The following YTHDF3 variants were observed in gnomAD, a reference collection of about 807,000 sequenced individuals.
The protein encoded by YTHDF3 is YTH N6-methyladenosine RNA binding protein F3, also known as YTH domain-containing family protein 3.
YTHDF3 carries 9 observed loss-of-function variants against 52.5 expected under a neutral mutation model. The ratio of observed to expected loss-of-function variants is 0.17; its 90% CI spans 0.10 to 0.30. The LOEUF is 0.30. Ranked by LOEUF, YTHDF3 falls within the 10% of genes least tolerant of loss-of-function variation. YTHDF3 has a pLI of 1.00. For missense variants in YTHDF3, 534 were observed against 715.0 expected, an observed-to-expected ratio of 0.75 and a Z score of 2.89; for synonymous variants, 274 against 243.3, an observed-to-expected ratio of 1.13 and a Z score of -1.18.
In YTHDF3 at chr8:63,186,984, C is replaced by T. The variant is rs1808555147; in HGVS notation, c.973C>T (p.Pro325Ser). 1 of 1,613,694 alleles carries T rather than the reference C, an allele frequency of 6.2e-7. No individual in the cohort carries two copies. Among genetic ancestry groups the T allele is most frequent in the East Asian group, 2.2e-5 (1 of 44,878 alleles). Reference protein sequence around the residue: ...QSQLPQQQPQPPQPQQQQGPQ... With the variant: ...QSQLPQQQPQSPQPQQQQGPQ... The stretch of plus-strand genomic sequence containing the variant: ...CCAACTGCCTCAACAGCAGCCTCAA[C>T]CACCACAACCACAGCAGCAACAAGG... The change falls in exon 4 of 5, where the codon CCA becomes TCA. Residue 325 changes from proline (P) to serine (S), a missense_variant. This residue lies in a region of YTHDF3 where 203 missense variants were observed against 201.3 expected (regional missense o/e 1.01). Transcript: ENST00000539294.
chr8:63,204,668 T>A lies in YTHDF3; in HGVS notation c.1735-5015T>A, dbSNP rs538365046. 2.6e-5 allele frequency among the ~76,000 whole-genome samples: 4 copies of A among 152,324 alleles called. No individual in the cohort carries two copies. The East Asian group carries it at 7.7e-4, about 29-fold the overall frequency. On this transcript the variant is annotated intron_variant, in intron 4 of 4. Coordinates refer to ENST00000539294, the MANE Select transcript of YTHDF3 (RefSeq NM_152758.6). ...TGAGCCACCGCGCACCTGGCTTGTTTGTTGCATTTCATAGCAAGTGTCTGA... is the reference window on the plus strand; with the variant it reads ...TGAGCCACCGCGCACCTGGCTTGTTAGTTGCATTTCATAGCAAGTGTCTGA...
intron 3 of YTHDF3, among the ~76,000 whole-genome samples, chr8:63,182,710 A>T (rs1808222990): frequency 6.6e-6 from 1 of 152,162 alleles, no homozygotes; most frequent in Non-Finnish European, 1.5e-5. Flanking sequence ...TCAAAATTAA[A>T]ACTTGGAAAC....
chr8:63,184,623 G>A (rs1808378763), intron 3 of YTHDF3, among the ~76,000 whole-genome samples: 1 of 152,158 alleles, frequency 6.6e-6, no homozygotes, highest in African/African-American at 2.4e-5. Flanking sequence ...GATCTATGAC[G>A]TTATGTCACA....
chr8:63,196,256 TAA>T (rs879565627), intron 4 of YTHDF3, among the ~76,000 whole-genome samples: 53 of 135,018 alleles, frequency 3.9e-4, no homozygotes, highest in African/African-American at 1.0e-3. Flanking sequence ...GTCTGTCTCT[TAA>T]AAAAAAAAAA....
At chr8:63,199,031 A>C (rs1286763582) in intron 4 of YTHDF3, among the ~76,000 whole-genome samples, 1 of 152,140 alleles carries the variant, frequency 6.6e-6, no homozygotes, top group African/African-American at 2.4e-5. Flanking sequence ...TGAATAGTCA[A>C]GATGATTGAG....
intron 3 of YTHDF3, among the ~76,000 whole-genome samples, chr8:63,176,382 C>G (rs544079154): frequency 6.9e-4 from 104 of 151,632 alleles, no homozygotes; most frequent in African/African-American, 2.4e-3. Context: ...CCCGGGTTCA[C>G]GCCATTCTCC....
At chr8:63,207,839 C>T (rs371176668) in intron 4 of YTHDF3, among the ~76,000 whole-genome samples, 1 of 152,092 alleles carries the variant, frequency 6.6e-6, no homozygotes, top group Admixed American at 6.5e-5. Context: ...GCCCTTACAT[C>T]TTTTTACTTA....
intron 2 of YTHDF3, 164 bp downstream of exon 2, chr8:63,169,575 G>C: frequency 2.8e-6 from 2 of 715,336 alleles, no homozygotes; most frequent in Non-Finnish European, 4.6e-6. Flanking sequence ...CCAGAACTTC[G>C]GTAGTTCGTT....
At chr8:63,176,188 GA>G (rs1807679183) in intron 3 of YTHDF3, among the ~76,000 whole-genome samples, 1 of 152,142 alleles carries the variant, frequency 6.6e-6, no homozygotes, top group Non-Finnish European at 1.5e-5. Context: ...AGTTTTTTTA[GA>G]GAGAACATTG....
Position 63,209,952 on chromosome 8 carries a change from C to G in YTHDF3, c.*246C>G. On this transcript the variant is annotated 3_prime_UTR_variant, in exon 5 of 5. Coordinates refer to ENST00000539294, the MANE Select transcript of YTHDF3 (RefSeq NM_152758.6). ...TCTGTCCTGAAGCTTTTACCAGTAT[C>G]TGCTGTCTTTTGTAATTATGCATCC... The G allele has an allele frequency of 2.4e-6, 1 of 415,758 alleles. No homozygotes were observed. Among genetic ancestry groups the G allele is most frequent in the Non-Finnish European group, 4.3e-6 (1 of 233,712 alleles). The allele number at this position is 415,758 out of a possible 1,614,324, so 25.8% of individuals were successfully genotyped here. A position where few individuals can be genotyped will look rare whatever the true frequency, so the allele number is the denominator to read the frequency against.
At chr8:63,187,889 G>A (rs1345138907) in intron 4 of YTHDF3, 144 bp downstream of exon 4, 37 of 931,420 alleles carry the variant, frequency 4.0e-5, no homozygotes, top group Non-Finnish European at 5.8e-5. Flanking sequence ...AGGTATCTAT[G>A]TGTGTCCTAT....
intron 3 of YTHDF3, among the ~76,000 whole-genome samples, chr8:63,184,328 G>T (rs1467439822): frequency 6.6e-6 from 1 of 152,186 alleles, no homozygotes; most frequent in East Asian, 1.9e-4. Flanking sequence ...TGGTTTTTAA[G>T]TCCAAGCTTT....
At chr8:63,197,308 TTTC>T (rs1350218124) in intron 4 of YTHDF3, among the ~76,000 whole-genome samples, 2 of 152,206 alleles carry the variant, frequency 1.3e-5, no homozygotes, top group African/African-American at 2.4e-5. Flanking sequence ...TGTAGAATTT[TTTC>T]TTCTTTATAG....
chr8:63,211,759 A>C lies in YTHDF3; in HGVS notation c.*2053A>C, dbSNP rs1339961570. On this transcript the variant is annotated 3_prime_UTR_variant, in exon 5 of 5. Transcript: ENST00000539294. ...TGATTGCAATAGACTCAGACATGCG[A>C]ATAAATGTAATTGAGAGTCTATTCA... 1.3e-5 allele frequency: 2 copies of C among 152,628 alleles called. No homozygotes were observed. The highest frequency in any genetic ancestry group is 2.9e-5 in the Non-Finnish European group (2 of 68,016). The allele number at this position is 152,628 out of a possible 1,614,324, so 9.5% of individuals were successfully genotyped here.
chr8:63,194,681 A>G (rs1393830507), intron 4 of YTHDF3, among the ~76,000 whole-genome samples: 2 of 152,114 alleles, frequency 1.3e-5, no homozygotes, highest in Admixed American at 6.5e-5. Flanking sequence ...GAATAAGGGT[A>G]TTATCTTGCA....
In YTHDF3 at chr8:63,187,675, A is replaced by G; in HGVS notation, c.1664A>G (p.His555Arg). Residue 555 changes from histidine (H) to arginine (R), a missense_variant, in exon 4 of 5, where the codon CAT (histidine) becomes CGT (arginine). Coordinates refer to ENST00000539294, the MANE Select transcript of YTHDF3 (RefSeq NM_152758.6). ...QVLKIIATFK[H>R]TTSIFDDFAH... ...CTTAAAATAATTGCTACTTTCAAGC[A>G]TACCACCTCAATCTTTGATGACTTT... The G allele has an allele frequency of 6.2e-7, 1 of 1,611,838 alleles. No homozygotes were observed. Among genetic ancestry groups the G allele is most frequent in the Non-Finnish European group, 8.5e-7 (1 of 1,178,712 alleles).
intron 4 of YTHDF3, among the ~76,000 whole-genome samples, chr8:63,197,620 G>C (rs573232767): frequency 3.3e-5 from 5 of 151,946 alleles, no homozygotes; most frequent in Non-Finnish European, 7.4e-5. Context: ...GAGAGGAGAA[G>C]AGAAGTGGGA....
In YTHDF3 at chr8:63,211,397, G is replaced by A. The variant is rs1405935043; in HGVS notation, c.*1691G>A. The A allele has an allele frequency of 6.6e-6, 1 of 152,472 alleles. No individual in the cohort carries two copies. Among genetic ancestry groups the A allele is most frequent in the Non-Finnish European group, 1.5e-5 (1 of 67,966 alleles). 9.4% of individuals were successfully genotyped at this position (152,472 alleles called of 1,614,324 possible). ...ACCTATTTTACCTTTTTAAGAGTAA[G>A]CCATGAAATCTTGTAACATGTCTCT... On this transcript the variant is annotated 3_prime_UTR_variant, in exon 5 of 5. Transcript: ENST00000539294.
intron 3 of YTHDF3, among the ~76,000 whole-genome samples, chr8:63,179,436 C>T (rs1807924415): frequency 6.6e-6 from 1 of 152,082 alleles, no homozygotes; most frequent in Non-Finnish European, 1.5e-5. Context: ...GAGCATGCTG[C>T]CTTCAAGCAT....
Sources: gnomAD v4.1 joint callset for allele counts (sites outside exome capture counted in the v4.1 genomes callset) on GRCh38, gnomAD v4.1.1 for gene constraint, gnomAD v4.1.1 regional missense constraint, MANE v1.5 for transcripts, NCBI Gene and HGNC (gene_info 2026-07-23, HGNC 2026-07-21) for gene names.